EPHA3: variants seen among roughly 807,000 people sequenced by gnomAD.
The protein encoded by EPHA3 is EPH receptor A3.
EPHA3 carries 42 observed loss-of-function variants against 107.1 expected under a neutral mutation model. That is an observed-to-expected ratio of 0.39 (90% CI 0.31 to 0.51). EPHA3 has a LOEUF of 0.51. EPHA3 is among the 20% of genes least tolerant of loss of function. The pLI is 0.78. For synonymous variants in EPHA3, 461 were observed against 424.8 expected (o/e 1.09, Z -1.05); for missense variants, 1,183 against 1,211.2 (o/e 0.98, Z 0.35).
At chr3:89,419,535 T>C (rs1709316165) in intron 11 of EPHA3, 145 bp downstream of exon 11, 1 of 622,056 alleles carries the variant, frequency 1.6e-6, no homozygotes, top group Admixed American at 3.4e-5. Context: ...AGCATGCCTT[T>C]CTTTGACAGT....
intron 2 of EPHA3, among the ~76,000 whole-genome samples, chr3:89,184,536 A>C (rs1705516894): frequency 6.6e-6 from 1 of 152,078 alleles, no homozygotes; most frequent in South Asian, 2.1e-4. Flanking sequence ...TCAACGAATT[A>C]CTTTTAAAAT....
chr3:89,223,201 A>G (rs771093547), intron 3 of EPHA3, among the ~76,000 whole-genome samples: 16 of 152,040 alleles, frequency 1.1e-4, no homozygotes, highest in Non-Finnish European at 1.8e-4. Context: ...TCCTCTTACG[A>G]TCATTCCCAG....
intron 5 of EPHA3, among the ~76,000 whole-genome samples, chr3:89,352,902 CAAAAAAAAAAA>C (rs1215369952): frequency 4.9e-5 from 2 of 41,030 alleles, no homozygotes; most frequent in Non-Finnish European, 1.0e-4. Context: ...GACTCTGTCT[CAAAAAAAAAAA>C]AAAAAAAAAA....
At position 89,407,345 on chromosome 3, in the gene EPHA3, T is replaced by C; in HGVS notation, c.1671T>C (p.Thr557=). The C allele has an allele frequency of 6.2e-7, 1 of 1,613,556 alleles. No individual in the cohort carries two copies. The highest frequency in any genetic ancestry group is 8.5e-7 in the Non-Finnish European group (1 of 1,179,576). Reference sequence around the variant, plus strand: ...CGGCAGTAGCAATTATTCTCCTCACTGTTGTCATCTATGTTTTGATTGGGA... The same window carrying C: ...CGGCAGTAGCAATTATTCTCCTCACCGTTGTCATCTATGTTTTGATTGGGA... The part of the protein sequence containing the change: ...ISAAVAIILL[T]VVIYVLIGRF... Residue 557 remains threonine, a synonymous_variant, in exon 8 of 17, where the codon ACT becomes ACC. Transcript: ENST00000336596.
chr3:89,152,087 G>A (rs1237407355), intron 2 of EPHA3, among the ~76,000 whole-genome samples: 4 of 152,016 alleles, frequency 2.6e-5, no homozygotes, highest in Non-Finnish European at 5.9e-5. Flanking sequence ...ATATGTTTAT[G>A]TTATCTCAAA....
At chr3:89,470,705 C>T (rs779704570) in intron 15 of EPHA3, among the ~76,000 whole-genome samples, 56 of 152,144 alleles carry the variant, frequency 3.7e-4, no homozygotes, top group Non-Finnish European at 7.8e-4. Context: ...AGGGGAAATG[C>T]AATATGAACA....
chr3:89,182,022 G>A (rs965470521), intron 2 of EPHA3, among the ~76,000 whole-genome samples: 1 of 143,210 alleles, frequency 7.0e-6, no homozygotes, highest in Admixed American at 6.9e-5. Flanking sequence ...TTACTTATCT[G>A]TTAGCTTTTT....
At chr3:89,112,171 T>C (rs1707124969) in intron 1 of EPHA3, among the ~76,000 whole-genome samples, 1 of 152,038 alleles carries the variant, frequency 6.6e-6, no homozygotes, top group African/African-American at 2.4e-5. Flanking sequence ...ACACTAGAAA[T>C]TGGGAGCTAT....
intron 3 of EPHA3, among the ~76,000 whole-genome samples, chr3:89,232,414 G>A (rs1704660607): frequency 6.6e-6 from 1 of 152,056 alleles, no homozygotes; most frequent in African/African-American, 2.4e-5. Context: ...AACTGGGTGG[G>A]AAAGGACAGA....
chr3:89,278,061 T>C (rs1410505058), intron 3 of EPHA3, among the ~76,000 whole-genome samples: 2 of 152,208 alleles, frequency 1.3e-5, no homozygotes, highest in Non-Finnish European at 2.9e-5. Flanking sequence ...TTATACTTTC[T>C]GCAAGTTGCC....
chr3:89,136,731 A>C (rs1382261075), intron 2 of EPHA3, among the ~76,000 whole-genome samples: 1 of 151,958 alleles, frequency 6.6e-6, no homozygotes, highest in South Asian at 2.1e-4. Context: ...TTTGTGCTTT[A>C]TAATCCTTAC....
chr3:89,202,693 TCAC>T (rs1706002252), intron 2 of EPHA3, among the ~76,000 whole-genome samples: 1 of 151,754 alleles, frequency 6.6e-6, no homozygotes, highest in South Asian at 2.1e-4. Flanking sequence ...AAATCACAAA[TCAC>T]CACAGAAAAT....
At chr3:89,126,920 C>T (rs1400707803) in intron 1 of EPHA3, among the ~76,000 whole-genome samples, 1 of 151,470 alleles carries the variant, frequency 6.6e-6, no homozygotes, top group African/African-American at 2.4e-5. Context: ...TTATTGTTTC[C>T]TCTTTAAACC....
chr3:89,127,845 A>AT (rs1704124014), intron 2 of EPHA3, among the ~76,000 whole-genome samples: 1 of 152,080 alleles, frequency 6.6e-6, no homozygotes, highest in African/African-American at 2.4e-5. Context: ...TAGCTTTGGT[A>AT]TTTTATCAAT....
intron 5 of EPHA3, among the ~76,000 whole-genome samples, chr3:89,380,024 T>A (rs890252387): frequency 2.0e-5 from 3 of 152,214 alleles, no homozygotes; most frequent in South Asian, 2.1e-4. Flanking sequence ...TTGTCAGGCA[T>A]ATACAAGCCA....
intron 15 of EPHA3, among the ~76,000 whole-genome samples, chr3:89,451,946 T>C (rs1710001486): frequency 6.6e-6 from 1 of 151,740 alleles, no homozygotes; most frequent in African/African-American, 2.4e-5. Context: ...TGTAGGTACA[T>C]TACAAGTTTG....
intron 7 of EPHA3, among the ~76,000 whole-genome samples, chr3:89,400,664 G>T (rs1259306924): frequency 1.3e-5 from 2 of 149,652 alleles, no homozygotes; most frequent in African/African-American, 4.9e-5. Flanking sequence ...TGTGTGTTTA[G>T]GTAATCATAA....
At chr3:89,284,213 A>G (rs1165282208) in intron 3 of EPHA3, among the ~76,000 whole-genome samples, 1 of 152,142 alleles carries the variant, frequency 6.6e-6, no homozygotes, top group Admixed American at 6.5e-5. Flanking sequence ...ATTTACATTA[A>G]TTAACTACAC....
chr3:89,394,764 A>G (rs1311315189), intron 5 of EPHA3, among the ~76,000 whole-genome samples: 4 of 152,208 alleles, frequency 2.6e-5, no homozygotes, highest in African/African-American at 7.2e-5. Flanking sequence ...AAATCTATAT[A>G]AAAATAAGTG....
Sources: gnomAD v4.1 joint callset for allele counts (sites outside exome capture counted in the v4.1 genomes callset) on GRCh38, gnomAD v4.1.1 for gene constraint, MANE v1.5 for transcripts, NCBI Gene and HGNC (gene_info 2026-07-23, HGNC 2026-07-21) for gene names.